Variants in PEX10 observed in about 807,000 individuals in gnomAD.
PEX10 encodes peroxisome biogenesis factor 10.
PEX10 carries 32 observed loss-of-function variants against 38.0 expected under a neutral mutation model. The observed-to-expected ratio is 0.84, with a 90% CI of 0.63 to 1.13. The LOEUF is 1.13. Among genes scored for constraint, PEX10 ranks in the 50% most tolerant of loss-of-function variants. The pLI is 0.00. For synonymous variants in PEX10, 206 were observed against 207.3 expected (o/e 0.99, Z 0.05); for missense variants, 483 against 457.7 (o/e 1.06, Z -0.51).
chr1:2,408,877 G>C lies in PEX10; in HGVS notation c.194-19C>G. On this transcript the variant is annotated intron_variant, in intron 2 of 5. Coordinates refer to ENST00000447513, the MANE Select transcript of PEX10 (RefSeq NM_002617.4). Reference sequence around the variant, plus strand: ...TGGTAGCCTGCGAGGAAGAGGATGGGTATGTGGACCCTGAGACTGCTGCCG... The same window carrying C: ...TGGTAGCCTGCGAGGAAGAGGATGGCTATGTGGACCCTGAGACTGCTGCCG... 1 of 1,613,432 alleles carries C rather than the reference G, an allele frequency of 6.2e-7. No homozygotes were observed.
intron 2 of PEX10, 76 bp from the exon 3 acceptor site, chr1:2,408,934 G>T: frequency 6.9e-7 from 1 of 1,448,314 alleles, no homozygotes; most frequent in Non-Finnish European, 9.6e-7. Context: ...CCTGCCAGCC[G>T]ACCCTCTGCT....
chr1:2,408,761 T>C lies in PEX10; in HGVS notation c.291A>G (p.Thr97=), dbSNP rs2494598. ...PSSLRRGVLV[T]LHAVLPYLLD... ...GCAGGTAGGGCAGGACGGCATGCAG[T>C]GTCACCAGCACGCCACGGCGCAGCG... Residue 97 remains threonine (T), a synonymous_variant, in exon 3 of 6, where the codon ACA becomes ACG. Transcript: ENST00000447513. 0.8 allele frequency: 1,284,167 copies of C among 1,613,626 alleles called. 513,637 individuals carry two copies. Among genetic ancestry groups the C allele is most frequent in the Non-Finnish European group, 0.82 (963,328 of 1,179,816 alleles).
intron 1 of PEX10, 122 bp downstream of exon 1, chr1:2,412,269 G>GGGTCCCAGGTTGTGGGAC: frequency 8.1e-7 from 1 of 1,238,866 alleles, no homozygotes; most frequent in Non-Finnish European, 1.0e-6. Context: ...GGAGACTGCC[G>GGGTCCCAGGTTGTGGGAC]GGTCCCAGGT....
chr1:2,407,697 G>A (rs1033541664), intron 3 of PEX10, among the ~76,000 whole-genome samples: 3 of 152,180 alleles, frequency 2.0e-5, no homozygotes, highest in Non-Finnish European at 4.4e-5. Flanking sequence ...ACGAGGTCAC[G>A]GTGGCCTCCT....
chr1:2,412,332 A>G, intron 1 of PEX10, 59 bp downstream of exon 1: 1 of 1,308,338 alleles, frequency 7.6e-7, no homozygotes. Flanking sequence ...CCCCGCCTCC[A>G]TGAGGGGCAA....
In PEX10 at chr1:2,412,522, C is replaced by G; in HGVS notation, c.-20G>C. 4.5e-6 allele frequency: 6 copies of G among 1,330,412 alleles called. No individual in the cohort carries two copies. The highest frequency in any genetic ancestry group is 3.8e-6 in the Non-Finnish European group (4 of 1,044,742). The allele number at this position is 1,330,412 out of a possible 1,614,324, so 82.4% of individuals were successfully genotyped here. On this transcript the variant is annotated 5_prime_UTR_variant, in exon 1 of 6. Transcript: ENST00000447513. The stretch of plus-strand genomic sequence containing the variant: ...GGCCATGGCCGCGGGTTCGGGTGGT[C>G]CCGAGCAGCCACGCCGGCCACGCCC...
intron 1 of PEX10, 47 bp downstream of exon 1, chr1:2,412,344 A>G: frequency 7.6e-7 from 1 of 1,312,046 alleles, no homozygotes; most frequent in Non-Finnish European, 9.7e-7. Context: ...GAGGGGCAAC[A>G]CCCCCTGGGC....
In PEX10 at chr1:2,412,533, A is replaced by T; in HGVS notation, c.-31T>A. ...CGGGTTCGGGTGGTCCCGAGCAGCC[A>T]CGCCGGCCACGCCCACGCCCAGACG... On this transcript the variant is annotated 5_prime_UTR_variant, in exon 1 of 6. Coordinates refer to ENST00000447513, the MANE Select transcript of PEX10 (RefSeq NM_002617.4). The T allele has an allele frequency of 7.7e-7, 1 of 1,303,684 alleles. No individual in the cohort carries two copies. 80.8% of individuals were successfully genotyped at this position (1,303,684 alleles called of 1,614,324 possible). A position where few individuals can be genotyped will look rare whatever the true frequency, so the allele number is the denominator to read the frequency against.
At chr1:2,407,487 G>C (rs947371328) in intron 3 of PEX10, among the ~76,000 whole-genome samples, 2 of 152,236 alleles carry the variant, frequency 1.3e-5, no homozygotes, top group Non-Finnish European at 2.9e-5. Context: ...CACACCGCCA[G>C]CATGGGCCCT....
rs1315020921 is a variant in PEX10 at position 2,412,378 on chromosome 1, G to C, written c.112+13C>G. ...GCCGCTCGCGAGGACGTCCGGCCGC[G>C]CCCGGCCCTCACCCGCCAGGCTGTG... is the stretch of plus-strand genomic sequence containing the variant. On this transcript the variant is annotated intron_variant, in intron 1 of 5. Transcript: ENST00000447513. 7.3e-7 allele frequency: 1 copy of C among 1,366,968 alleles called. No individual in the cohort carries two copies. Among genetic ancestry groups the C allele is most frequent in the Admixed American group, 3.8e-5 (1 of 26,130 alleles). 84.7% of individuals were successfully genotyped at this position (1,366,968 alleles called of 1,614,324 possible).
chr1:2,407,045 CA>C, intron 3 of PEX10, 150 bp from the exon 4 acceptor site: 1 of 1,117,992 alleles, frequency 8.9e-7, no homozygotes, highest in Non-Finnish European at 1.3e-6. Context: ...ACGATCAAGC[CA>C]GGGGGCAGGT....
In PEX10 at chr1:2,406,744, A is replaced by G. The variant is rs780507609; in HGVS notation, c.752T>C (p.Leu251Pro). The G allele has an allele frequency of 4.0e-5, 64 of 1,608,976 alleles. No homozygotes were observed. In the Admixed American group the frequency reaches 1.1e-3, roughly 27 times the overall value. ...CCTGCGGTGAGACAGGCCGCGGTGC[A>G]GCCTCCACTCCTTCCTGGCTCGCTG... ...QRQRARKEWR[L>P]HRGLSHRRAS... The change falls in exon 4 of 6, where the codon CTG (leucine) becomes CCG (proline). Residue 251 changes from leucine (L) to proline (P), a missense_variant. Physicochemically the swap from Leu to Pro is moderately conservative, Grantham distance 98. Coordinates refer to ENST00000447513, the MANE Select transcript of PEX10 (RefSeq NM_002617.4).
chr1:2,409,906 A>C lies in PEX10; in HGVS notation c.193+465T>G. ...GCCCGGGGCGAGCCCCTCGTAGGGA[A>C]CCAGGCTGGCACTCGGTGGTCCTTG... On this transcript the variant is annotated intron_variant, in intron 2 of 5. Coordinates refer to ENST00000447513, the MANE Select transcript of PEX10 (RefSeq NM_002617.4). The surrounding 1 kb of genome is among the most constrained non-coding windows in gnomAD (Gnocchi z 6.2). 1 of 187,196 alleles carries C rather than the reference A, an allele frequency of 5.3e-6. No individual in the cohort carries two copies. The allele number at this position is 187,196 out of a possible 1,614,324, so 11.6% of individuals were successfully genotyped here.
At chr1:2,406,404 C>G in intron 5 of PEX10, 80 bp downstream of exon 5, 2 of 1,576,616 alleles carry the variant, frequency 1.3e-6, no homozygotes, top group East Asian at 2.2e-5. Context: ...GAGCCAGACT[C>G]CCCACTTCTG....
At chr1:2,406,940 C>T in intron 3 of PEX10, 45 bp from the exon 4 acceptor site, 1 of 1,588,110 alleles carries the variant, frequency 6.3e-7, no homozygotes, top group South Asian at 1.1e-5. Flanking sequence ...CTGAGGGGAT[C>T]TGGCCTCAGC....
At position 2,404,488 on chromosome 1, in the gene PEX10, TGC is replaced by T. The variant is rs1195444234; in HGVS notation, c.*1276_*1277del. 1 of 152,198 alleles carries T rather than the reference TGC, an allele frequency of 6.6e-6. No homozygotes were observed. Among genetic ancestry groups the T allele is most frequent in the Non-Finnish European group, 1.5e-5 (1 of 68,042 alleles). The allele number at this position is 152,198 out of a possible 1,614,324, so 9.4% of individuals were successfully genotyped here. ...GAGCACAGTGAAGCAAAGGACTGGG[TGC>T]TGATGGATGGAGCCACGGCGGCATC... On this transcript the variant is annotated 3_prime_UTR_variant, in exon 6 of 6. Transcript: ENST00000447513.
rs869312935 is a variant in PEX10, at chr1:2,406,719, C to G, written c.776+1G>C. On this transcript the variant is annotated splice_donor_variant, in intron 4 of 5. Coordinates refer to ENST00000447513, the MANE Select transcript of PEX10 (RefSeq NM_002617.4). LOFTEE classifies it high-confidence loss of function. ...CCCCCATGTGTGGCCCCCGCACGCACCTGCGGTGAGACAGGCCGCGGTGCA... is the reference window on the plus strand; with the variant it reads ...CCCCCATGTGTGGCCCCCGCACGCAGCTGCGGTGAGACAGGCCGCGGTGCA... 1 of 1,609,168 alleles carries G rather than the reference C, an allele frequency of 6.2e-7. No homozygotes were observed. The highest frequency in any genetic ancestry group is 8.5e-7 in the Non-Finnish European group (1 of 1,178,404).
chr1:2,411,586 C>A (rs1643221587), intron 1 of PEX10, among the ~76,000 whole-genome samples: 1 of 151,874 alleles, frequency 6.6e-6, no homozygotes. Context: ...GTCGCCCAGG[C>A]TGGAGTGCAG....
Position 2,406,515 on chromosome 1 carries a change from C to T in PEX10, c.881G>A (p.Trp294Ter), listed in dbSNP as rs61752096. ...TATPCGHLFC[W>*]ECITAWCSSK... ...GCTGCACCACGCGGTGATGCACTCCCAGCAGAACAGGTGGCCGCAGGGCGT... is the reference window on the plus strand; with the variant it reads ...GCTGCACCACGCGGTGATGCACTCCTAGCAGAACAGGTGGCCGCAGGGCGT... The change falls in exon 5 of 6, where the codon TGG becomes TAG. Residue 294 changes from tryptophan (W) to a stop codon, truncating the protein, a stop_gained. Coordinates refer to ENST00000447513, the MANE Select transcript of PEX10 (RefSeq NM_002617.4). LOFTEE classifies it high-confidence loss of function. The T allele has an allele frequency of 4.3e-6, 7 of 1,613,092 alleles. No homozygotes were observed. The highest frequency in any genetic ancestry group is 3.3e-5 in the South Asian group (3 of 91,078).
Sources: gnomAD v4.1 joint callset for allele counts (sites outside exome capture counted in the v4.1 genomes callset) on GRCh38, gnomAD v4.1.1 for gene constraint, Gnocchi (gnomAD v3.1) non-coding constraint, MANE v1.5 for transcripts, NCBI Gene and HGNC (gene_info 2026-07-23, HGNC 2026-07-21) for gene names.